Variants in ZP3 observed in about 807,000 individuals in gnomAD.
ZP3 encodes zona pellucida glycoprotein 3.
Under a neutral mutation model 35.6 loss-of-function variants are expected in ZP3, and 21 were observed. The ratio of observed to expected loss-of-function variants is 0.59; its 90% CI spans 0.42 to 0.85. The LOEUF (loss-of-function observed/expected upper bound fraction) is 0.85. Ranked by LOEUF, ZP3 falls within the 40% of genes least tolerant of loss-of-function variation. ZP3 has a pLI of 0.00. For missense variants in ZP3, 437 were observed against 536.5 expected, an observed-to-expected ratio of 0.81 and a Z score of 1.83; for synonymous variants, 207 against 214.5, an observed-to-expected ratio of 0.96 and a Z score of 0.31.
chr7:76,434,762 T>C (rs1436007415), intron 5 of ZP3, among the ~76,000 whole-genome samples: 4 of 149,662 alleles, frequency 2.7e-5, no homozygotes, highest in Non-Finnish European at 5.9e-5. Flanking sequence ...CTAGTGATTC[T>C]GAAGGCATCA....
intron 2 of ZP3, among the ~76,000 whole-genome samples, chr7:76,431,262 C>T (rs1477819800): frequency 6.6e-6 from 1 of 152,110 alleles, no homozygotes; most frequent in Non-Finnish European, 1.5e-5. Flanking sequence ...GGCAGGCTGC[C>T]CAGTCGGCAT....
chr7:76,409,871 C>G (rs905150357), intron 1 of ZP3, among the ~76,000 whole-genome samples: 1 of 152,034 alleles, frequency 6.6e-6, no homozygotes, highest in Non-Finnish European at 1.5e-5. Flanking sequence ...GGAGGTAGCC[C>G]TGATCCAGCC....
At chr7:76,421,957 C>T (rs1383968701), upstream of ZP3, among the ~76,000 whole-genome samples, 1 of 151,958 alleles carries the variant, frequency 6.6e-6, no homozygotes, top group Non-Finnish European at 1.5e-5. Flanking sequence ...AGTACAGCGG[C>T]GTGATCTTGG....
intron 1 of ZP3, among the ~76,000 whole-genome samples, chr7:76,401,794 C>G (rs1443654978): frequency 6.6e-6 from 1 of 152,198 alleles, no homozygotes; most frequent in Non-Finnish European, 1.5e-5. Flanking sequence ...GAAGTGCTCT[C>G]TGTTTCCTCT....
At chr7:76,416,915 CAT>C (rs966758180) in intron 1 of ZP3, among the ~76,000 whole-genome samples, 2 of 134,108 alleles carry the variant, frequency 1.5e-5, no homozygotes, top group Admixed American at 8.0e-5. Flanking sequence ...TGTATACATA[CAT>C]ATATATACAC....
chr7:76,418,490 G>A lies in ZP3; in HGVS notation c.-66-6562G>A, dbSNP rs180988926. Among the ~76,000 whole-genome samples the A allele has an allele frequency of 2.1e-5, 3 of 145,338 alleles. No homozygotes were observed. In the East Asian group the frequency reaches 6.3e-4, roughly 30 times the overall value. ...CGCTTGAACCTGAAAGGCGGAGGTT[G>A]CAGTGAGCCAGGATAGCACCACTGT... On this transcript the variant is annotated intron_variant, in intron 1 of 8. Transcript: ENST00000336517.
chr7:76,433,507 C>A lies in ZP3; in HGVS notation c.573C>A (p.His191Gln). 1.2e-6 allele frequency: 2 copies of A among 1,614,078 alleles called. No homozygotes were observed. Reference sequence around the variant, plus strand: ...CTGAGAAGAGGTCCCCCACCTTCCACCTGGGAGATGCAGCCCACCTCCAGG... The same window carrying A: ...CTGAGAAGAGGTCCCCCACCTTCCAACTGGGAGATGCAGCCCACCTCCAGG... ...WNAEKRSPTFHLGDAAHLQAE... is the reference protein window; with the variant it reads ...WNAEKRSPTFQLGDAAHLQAE... Residue 191 changes from histidine to glutamine, a missense_variant, in exon 4 of 8, where the codon CAC becomes CAA. Transcript: ENST00000394857.
intron 2 of ZP3, among the ~76,000 whole-genome samples, chr7:76,431,951 G>A (rs1006371605): frequency 1.3e-5 from 2 of 151,728 alleles, no homozygotes; most frequent in Admixed American, 6.6e-5. Flanking sequence ...AGCATCCTGT[G>A]GAGTACTGTG....
intron 1 of ZP3, among the ~76,000 whole-genome samples, chr7:76,408,793 A>G (rs1040140315): frequency 6.6e-6 from 1 of 152,118 alleles, no homozygotes; most frequent in Non-Finnish European, 1.5e-5. Flanking sequence ...GTCCTTGGTG[A>G]TTAGGGCTCT....
rs1385640996 is a variant in ZP3, at chr7:76,398,848, C to T, written c.-67+1051C>T. 4 of 1,589,606 alleles carry T rather than the reference C, an allele frequency of 2.5e-6. No homozygotes were observed. The East Asian group carries it at 9.0e-5, about 36-fold the overall frequency. On this transcript the variant is annotated intron_variant, in intron 1 of 8. Transcript: ENST00000336517. ...GGGGTCTTTCTGTTCTCCATCCTCA[C>T]ACCACGGGGTGTTTAAGGGGCAGGA...
Position 76,425,239 on chromosome 7 carries a change from T to C in ZP3, c.275T>C (p.Phe92Ser). 6.2e-7 allele frequency: 1 copy of C among 1,613,118 alleles called. No homozygotes were observed. Among genetic ancestry groups the C allele is most frequent in the Non-Finnish European group, 8.5e-7 (1 of 1,179,666 alleles). ...VSMDTEDVVR[F>S]EVGLHECGNS... ...ATGGACACAGAAGATGTGGTCAGGT[T>C]TGAGGTTGGACTCCACGAGTGTGGC... is the stretch of plus-strand genomic sequence containing the variant. The change falls in exon 1 of 8, where the codon TTT becomes TCT. Residue 92 changes from phenylalanine (F) to serine (S), a missense_variant. By Grantham distance (155) the Phe-to-Ser change is radical (BLOSUM62 -2). Coordinates refer to ENST00000394857, the MANE Select transcript of ZP3 (RefSeq NM_001110354.2).
intron 1 of ZP3, chr7:76,401,130 C>G: frequency 6.9e-7 from 1 of 1,441,712 alleles, no homozygotes; most frequent in Non-Finnish European, 9.2e-7. Flanking sequence ...CTCCCACAGT[C>G]CTCAACATTA....
At chr7:76,440,955 T>C (rs1423419511) in intron 7 of ZP3, among the ~76,000 whole-genome samples, 2 of 152,108 alleles carry the variant, frequency 1.3e-5, no homozygotes, top group African/African-American at 4.8e-5. Context: ...GCAGGTCACC[T>C]GAGGTCAGGA....
chr7:76,423,399 C>T (rs991903512), upstream of ZP3, among the ~76,000 whole-genome samples: 1 of 152,062 alleles, frequency 6.6e-6, no homozygotes, highest in Admixed American at 6.6e-5. Flanking sequence ...TATCTGGTTG[C>T]CATGGTTATC....
At chr7:76,419,621 T>C (rs1805456958) in intron 1 of ZP3, among the ~76,000 whole-genome samples, 2 of 151,932 alleles carry the variant, frequency 1.3e-5, no homozygotes, top group Admixed American at 1.3e-4. Context: ...TCCTTCCTTC[T>C]TTCTTTCTTT....
intron 1 of ZP3, chr7:76,398,818 A>C: frequency 6.2e-7 from 1 of 1,610,084 alleles, no homozygotes; most frequent in Non-Finnish European, 8.5e-7. Context: ...AGTGAAGTGG[A>C]TACAGGGGTC....
At chr7:76,420,906 C>CGTGTGTGT (rs55828330), upstream of ZP3, among the ~76,000 whole-genome samples, 2 of 144,606 alleles carry the variant, frequency 1.4e-5, no homozygotes, top group East Asian at 2.0e-4. Context: ...TATATTTCCA[C>CGTGTGTGT]GTGTGTGTGT....
intron 1 of ZP3, among the ~76,000 whole-genome samples, chr7:76,419,905 G>A (rs1012251923): frequency 6.6e-6 from 1 of 151,212 alleles, no homozygotes; most frequent in Admixed American, 6.6e-5. Context: ...AGGTTCAAGC[G>A]ATTCTCCTGC....
At chr7:76,401,088 T>C in intron 1 of ZP3, 1 of 1,502,604 alleles carries the variant, frequency 6.7e-7, no homozygotes, top group Middle Eastern at 1.7e-4. Flanking sequence ...GCCCACACCA[T>C]GGCTCCCTGG....
Sources: gnomAD v4.1 joint callset for allele counts (sites outside exome capture counted in the v4.1 genomes callset) on GRCh38, gnomAD v4.1.1 for gene constraint, MANE v1.5 for transcripts, NCBI Gene and HGNC (gene_info 2026-07-23, HGNC 2026-07-21) for gene names.